The following AK8 variants were observed in gnomAD, a reference collection of about 807,000 sequenced individuals.
AK8 encodes ATP-AMP transphosphorylase 8.
A neutral mutation model predicts 54.6 loss-of-function variants in AK8; 44 were observed. The observed-to-expected ratio is 0.81, with a 90% confidence interval of 0.63 to 1.04. The LOEUF (loss-of-function observed/expected upper bound fraction) is 1.04, where lower values mean the gene tolerates loss of function less well. AK8 is among the 50% of genes least tolerant of loss of function. AK8 has a pLI of 0.00. For missense variants in AK8, 555 were observed against 613.6 expected, an observed-to-expected ratio of 0.90 and a Z score of 1.01; for synonymous variants, 239 against 245.6, an observed-to-expected ratio of 0.97 and a Z score of 0.25.
chr9:132,855,056 C>T (rs752114220), intron 4 of AK8, 131 bp from the exon 5 acceptor site: 4 of 832,746 alleles, frequency 4.8e-6, no homozygotes, highest in Non-Finnish European at 8.0e-6. Flanking sequence ...CCCCGCCCTT[C>T]CTCCACCCGC....
At chr9:132,759,452 A>G (rs1838348921) in intron 11 of AK8, among the ~76,000 whole-genome samples, 3 of 152,160 alleles carry the variant, frequency 2.0e-5, no homozygotes, top group African/African-American at 7.2e-5. Flanking sequence ...TAATGTAGTC[A>G]AATTTATTTA....
At chr9:132,776,149 TC>T (rs1484389757) in intron 11 of AK8, among the ~76,000 whole-genome samples, 1 of 152,194 alleles carries the variant, frequency 6.6e-6, no homozygotes, top group Non-Finnish European at 1.5e-5. Flanking sequence ...GGGAGAACTT[TC>T]CTTTTTCCAC....
chr9:132,727,353 A>T, intron 12 of AK8, 101 bp downstream of exon 12: 1 of 1,076,766 alleles, frequency 9.3e-7, no homozygotes, highest in Non-Finnish European at 1.4e-6. Context: ...AGTGGTCACC[A>T]GTGTTATCCC....
chr9:132,840,948 G>C (rs1290530940), intron 5 of AK8, among the ~76,000 whole-genome samples: 2 of 152,104 alleles, frequency 1.3e-5, no homozygotes, highest in Non-Finnish European at 2.9e-5. Context: ...GTATGAAGAA[G>C]TAGCAGACTT....
intron 2 of AK8, among the ~76,000 whole-genome samples, chr9:132,868,878 T>C (rs747023228): frequency 1.3e-5 from 2 of 152,138 alleles, no homozygotes; most frequent in Non-Finnish European, 2.9e-5. Context: ...AGAAACTGAA[T>C]GCAGCTGAGT....
intron 11 of AK8, among the ~76,000 whole-genome samples, chr9:132,766,563 C>A (rs1036785055): frequency 6.6e-6 from 1 of 152,054 alleles, no homozygotes; most frequent in Non-Finnish European, 1.5e-5. Context: ...GTGAAAGTGA[C>A]CATACTACCA....
At chr9:132,796,152 C>G (rs553352154) in intron 10 of AK8, among the ~76,000 whole-genome samples, 6 of 152,304 alleles carry the variant, frequency 3.9e-5, no homozygotes, top group African/African-American at 1.4e-4. Context: ...GGTGATCAGG[C>G]TGGGATAGGA....
At position 132,803,329 on chromosome 9, in the gene AK8, C is replaced by A. The variant is rs897977569; in HGVS notation, c.980-10554G>T. Reference sequence around the variant, plus strand: ...TGGAGCTTTGTCAGTTCCCAGTTACCGCAGGGACTAGGTCCCCAAAGCTGG... The same window carrying A: ...TGGAGCTTTGTCAGTTCCCAGTTACAGCAGGGACTAGGTCCCCAAAGCTGG... On this transcript the variant is annotated intron_variant, in intron 10 of 12. Transcript: ENST00000298545. This position sits in a 1 kb window ranked among gnomAD's most constrained non-coding sequence, Gnocchi z 4.4. Among the ~76,000 whole-genome samples, 2 of 152,048 alleles carry A rather than the reference C, an allele frequency of 1.3e-5. No homozygotes were observed. Among genetic ancestry groups the A allele is most frequent in the African/African-American group, 2.4e-5 (1 of 41,378 alleles).
At chr9:132,830,460 CAA>C (rs1842060504) in intron 5 of AK8, among the ~76,000 whole-genome samples, 1 of 152,172 alleles carries the variant, frequency 6.6e-6, no homozygotes, top group African/African-American at 2.4e-5. Flanking sequence ...ATCTGTCCAG[CAA>C]AATACAGTAT....
Position 132,746,829 on chromosome 9 carries a change from C to T in AK8, c.1122-19295G>A, listed in dbSNP as rs555121175. Among the ~76,000 whole-genome samples the T allele has an allele frequency of 3.3e-5, 5 of 152,334 alleles. No individual in the cohort carries two copies. In the East Asian group the frequency reaches 7.7e-4, roughly 24 times the overall value. On this transcript the variant is annotated intron_variant, in intron 11 of 12. Coordinates refer to ENST00000298545, the MANE Select transcript of AK8 (RefSeq NM_152572.3). ...GCCTCGAGGATGAAAGAAGGGCCAA[C>T]TGCACATTAAAAGAAAGTAAGTTCA...
chr9:132,732,303 T>C (rs1421668896), intron 11 of AK8, among the ~76,000 whole-genome samples: 1 of 152,238 alleles, frequency 6.6e-6, no homozygotes, highest in African/African-American at 2.4e-5. Context: ...TTTCAGGGTT[T>C]TAACATTTGG....
At chr9:132,780,515 G>T (rs982678560) in intron 11 of AK8, among the ~76,000 whole-genome samples, 1 of 152,198 alleles carries the variant, frequency 6.6e-6, no homozygotes, top group East Asian at 1.9e-4. Context: ...GCAATGAGAA[G>T]AGACCTGTCA....
intron 11 of AK8, among the ~76,000 whole-genome samples, chr9:132,737,858 T>C (rs1455531880): frequency 6.6e-6 from 1 of 152,188 alleles, no homozygotes; most frequent in Non-Finnish European, 1.5e-5. Flanking sequence ...CATCAAACTG[T>C]GAGTCCTGGA....
At chr9:132,736,442 C>T (rs1174447416) in intron 11 of AK8, among the ~76,000 whole-genome samples, 1 of 151,286 alleles carries the variant, frequency 6.6e-6, no homozygotes, top group Non-Finnish European at 1.5e-5. Context: ...CCCACCTCGG[C>T]CTCCCAAAGT....
chr9:132,850,845 C>T (rs1225575445), intron 5 of AK8, among the ~76,000 whole-genome samples: 2 of 147,582 alleles, frequency 1.4e-5, no homozygotes, highest in Non-Finnish European at 3.0e-5. Flanking sequence ...GGCCCTAATA[C>T]ATTTTCAAGT....
At chr9:132,749,863 C>A (rs1031878715) in intron 11 of AK8, among the ~76,000 whole-genome samples, 1 of 151,486 alleles carries the variant, frequency 6.6e-6, no homozygotes, top group East Asian at 1.9e-4. Context: ...AGAGAACAGA[C>A]GCTGCTGCAG....
intron 1 of AK8, among the ~76,000 whole-genome samples, chr9:132,877,390 T>C (rs1201241424): frequency 6.6e-6 from 1 of 152,172 alleles, no homozygotes; most frequent in African/African-American, 2.4e-5. Context: ...CTCCATGCCA[T>C]GCCCCTGGGG....
At chr9:132,823,727 A>C (rs1015344682) in intron 8 of AK8, among the ~76,000 whole-genome samples, 1 of 152,224 alleles carries the variant, frequency 6.6e-6, no homozygotes, top group Admixed American at 6.5e-5. Flanking sequence ...AATCGGGCTG[A>C]GCCTCCCAAC....
chr9:132,748,061 T>C (rs990327653), intron 11 of AK8, among the ~76,000 whole-genome samples: 6 of 151,640 alleles, frequency 4.0e-5, no homozygotes, highest in African/African-American at 1.5e-4. Flanking sequence ...ACGGTGCCAT[T>C]GCACTCCAGC....
Sources: gnomAD v4.1 joint callset for allele counts (sites outside exome capture counted in the v4.1 genomes callset) on GRCh38, gnomAD v4.1.1 for gene constraint, Gnocchi (gnomAD v3.1) non-coding constraint, MANE v1.5 for transcripts, NCBI Gene and HGNC (gene_info 2026-07-23, HGNC 2026-07-21) for gene names.